Variants in DCP1A observed in about 807,000 individuals in gnomAD.
DCP1A encodes the protein mRNA-decapping enzyme 1A.
DCP1A carries 20 observed loss-of-function variants against 58.0 expected under a neutral mutation model. That is an observed-to-expected ratio of 0.34 (90% CI 0.24 to 0.50). DCP1A has a LOEUF of 0.50. Ranked by LOEUF, DCP1A falls within the 20% of genes least tolerant of loss-of-function variation. The pLI is 0.98. For missense variants in DCP1A, 613 were observed against 712.2 expected (o/e 0.86, Z 1.59); for synonymous variants, 285 against 275.1 (o/e 1.04, Z -0.36).
chr3:53,346,573 A>T (rs1389482199), intron 1 of DCP1A, among the ~76,000 whole-genome samples: 1 of 152,236 alleles, frequency 6.6e-6, no homozygotes, highest in Admixed American at 6.5e-5. Flanking sequence ...GTGGGAAATT[A>T]TGCTTTTTAA....
At chr3:53,316,506 T>G (rs1052040515) in intron 4 of DCP1A, among the ~76,000 whole-genome samples, 9 of 152,014 alleles carry the variant, frequency 5.9e-5, no homozygotes, top group Non-Finnish European at 1.0e-4. Flanking sequence ...CCAAGTGATC[T>G]GCCCACCTGG....
chr3:53,320,964 G>A (rs560594601), intron 3 of DCP1A, among the ~76,000 whole-genome samples: 4 of 152,372 alleles, frequency 2.6e-5, no homozygotes, highest in Admixed American at 6.5e-5. Flanking sequence ...GAAGGGAGAC[G>A]CAGAAGTCCC....
intron 6 of DCP1A, among the ~76,000 whole-genome samples, chr3:53,302,978 T>G (rs782182236): frequency 2.0e-4 from 31 of 152,132 alleles, no homozygotes; most frequent in Non-Finnish European, 3.4e-4. Flanking sequence ...AGACAGGGCC[T>G]TGCTCTGCTA....
chr3:53,286,410 C>A lies in DCP1A; in HGVS notation c.*1170G>T, dbSNP rs1029084724. The A allele has an allele frequency of 2.0e-5, 3 of 152,200 alleles. No individual in the cohort carries two copies. Among genetic ancestry groups the A allele is most frequent in the African/African-American group, 7.2e-5 (3 of 41,464 alleles). The allele number at this position is 152,200 out of a possible 1,614,324, so 9.4% of individuals were successfully genotyped here. A position where few individuals can be genotyped will look rare whatever the true frequency, so the allele number is the denominator to read the frequency against. ...TACTATTGCTGAAATAAATCAAAAT[C>A]TACATTAAAATATTACTAAACACCA... On this transcript the variant is annotated 3_prime_UTR_variant, in exon 10 of 10. Coordinates refer to ENST00000610213, the MANE Select transcript of DCP1A (RefSeq NM_018403.7).
intron 6 of DCP1A, among the ~76,000 whole-genome samples, chr3:53,303,569 G>C (rs1707376111): frequency 6.6e-6 from 1 of 152,148 alleles, no homozygotes; most frequent in African/African-American, 2.4e-5. Flanking sequence ...CCTAGCCAAG[G>C]GTTATTTTAA....
chr3:53,301,164 T>C (rs903320649), intron 6 of DCP1A, among the ~76,000 whole-genome samples: 5 of 152,194 alleles, frequency 3.3e-5, no homozygotes, highest in Non-Finnish European at 7.4e-5. Context: ...GAAGGTAGAA[T>C]ACAAAATTTG....
At chr3:53,336,095 T>C (rs185405793) in intron 3 of DCP1A, among the ~76,000 whole-genome samples, 163 of 151,326 alleles carry the variant, frequency 1.1e-3, no homozygotes, top group African/African-American at 3.7e-3. Context: ...CCACTGTGCC[T>C]GGCAGCATTT....
At chr3:53,291,717 C>T (rs1553686002) in intron 7 of DCP1A, among the ~76,000 whole-genome samples, 3 of 151,974 alleles carry the variant, frequency 2.0e-5, no homozygotes. Flanking sequence ...TCTTATGGCA[C>T]CTCTAGGGTA....
At chr3:53,323,993 A>G (rs1316418675) in intron 3 of DCP1A, among the ~76,000 whole-genome samples, 6 of 152,206 alleles carry the variant, frequency 3.9e-5, no homozygotes, top group African/African-American at 1.2e-4. Context: ...AACTCTTAGG[A>G]AAGAACTACT....
rs782185066 is a variant in DCP1A, at chr3:53,323,350, G to A, written c.305-3877C>T. ...TTATCTACTGCAGGTTCTTAGTTAC[G>A]CTCTTAGCGGCTAAGGCTTGCTCTA... is the stretch of plus-strand genomic sequence containing the variant. On this transcript the variant is annotated intron_variant, in intron 3 of 9. Coordinates refer to ENST00000610213, the MANE Select transcript of DCP1A (RefSeq NM_018403.7). Among the ~76,000 whole-genome samples, 10 of 152,158 alleles carry A rather than the reference G, an allele frequency of 6.6e-5. No homozygotes were observed. In the East Asian group the frequency reaches 7.7e-4, roughly 12 times the overall value.
rs554774968 is a variant in DCP1A at position 53,318,970 on chromosome 3, CG to C, written c.371+436del. 1.5e-4 allele frequency among the ~76,000 whole-genome samples: 23 copies of C among 152,234 alleles called. No individual in the cohort carries two copies. In the East Asian group the frequency reaches 4.4e-3, roughly 29 times the overall value. Reference sequence around the variant, plus strand: ...ACCTGATGCAGATATCCTCTGGAGCCGGGCAGTTTGGCAGCCTTAACCTACA... The same window carrying C: ...ACCTGATGCAGATATCCTCTGGAGCCGGCAGTTTGGCAGCCTTAACCTACA... On this transcript the variant is annotated intron_variant, in intron 4 of 9. Transcript: ENST00000610213.
At chr3:53,303,635 A>G (rs1156952179) in intron 6 of DCP1A, among the ~76,000 whole-genome samples, 1 of 152,224 alleles carries the variant, frequency 6.6e-6, no homozygotes, top group Non-Finnish European at 1.5e-5. Context: ...TTGAGGGAGT[A>G]AAGGGAGCAA....
In DCP1A at chr3:53,292,562, G is replaced by A; in HGVS notation, c.890C>T (p.Ala297Val). The change falls in exon 7 of 10, where the codon GCC becomes GTC. Residue 297 changes from alanine (A) to valine (V), a missense_variant. Coordinates refer to ENST00000610213, the MANE Select transcript of DCP1A (RefSeq NM_018403.7). ...CTTTTCATTGGACTGTGTGATGGAG[G>A]CTGGAGTGATTAGCACCGGGGTGGT... ...EITTPVLITP[A>V]SITQSNEKHA... 5.0e-6 allele frequency: 8 copies of A among 1,613,988 alleles called. No homozygotes were observed. The highest frequency in any genetic ancestry group is 5.9e-6 in the Non-Finnish European group (7 of 1,179,880).
intron 5 of DCP1A, among the ~76,000 whole-genome samples, chr3:53,306,849 T>G (rs2106825481): frequency 6.6e-6 from 1 of 151,488 alleles, no homozygotes; most frequent in East Asian, 1.9e-4. Flanking sequence ...GCCCAAGAGT[T>G]TAAGGCTGCA....
In DCP1A at chr3:53,342,247, A is replaced by G; in HGVS notation, c.201T>C (p.Phe67=). 6.2e-7 allele frequency: 1 copy of G among 1,602,858 alleles called. No homozygotes were observed. ...GCATATTTAGTCGATTCACAATGGT[A>G]AAACCATGGTAAGGGGAAGCTGACC... ...YRRSASPYHG[F]TIVNRLNMHN... is the part of the protein sequence containing the mutation. The change falls in exon 3 of 10, where the codon TTT becomes TTC. Residue 67 remains phenylalanine (F), a synonymous_variant. Coordinates refer to ENST00000610213, the MANE Select transcript of DCP1A (RefSeq NM_018403.7).
chr3:53,295,736 A>G lies in DCP1A; in HGVS notation c.625-2909T>C, dbSNP rs548549854. ...TTTGTAGTGAGCCATTGAGCCCAGC[A>G]TAATCCTTCTAATTTAGTTCCTTAT... is the stretch of plus-strand genomic sequence containing the variant. On this transcript the variant is annotated intron_variant, in intron 6 of 9. Transcript: ENST00000610213. Among the ~76,000 whole-genome samples the G allele has an allele frequency of 1.8e-4, 27 of 152,308 alleles. 1 individual carries two copies. The highest frequency in any genetic ancestry group is 5.1e-4 in the African/African-American group (21 of 41,576).
chr3:53,292,770 G>A lies in DCP1A; in HGVS notation c.682C>T (p.Pro228Ser). Residue 228 changes from proline (P) to serine (S), a missense_variant, in exon 7 of 10, where the codon CCA (proline) becomes TCA (serine). By Grantham distance (74) the Pro-to-Ser change is moderately conservative. Coordinates refer to ENST00000610213, the MANE Select transcript of DCP1A (RefSeq NM_018403.7). The stretch of plus-strand genomic sequence containing the variant: ...CCCACAACTGCTGGTTGTTCCTTTG[G>A]CAAAGAGGTTCCAAATAACTCTTCT... ...TVEELFGTSL[P>S]KEQPAVVGLD... The A allele has an allele frequency of 6.2e-7, 1 of 1,613,242 alleles. No homozygotes were observed. Among genetic ancestry groups the A allele is most frequent in the Non-Finnish European group, 8.5e-7 (1 of 1,179,886 alleles).
Position 53,344,771 on chromosome 3 carries a change from C to A in DCP1A, c.176+131G>T, listed in dbSNP as rs373006074. On this transcript the variant is annotated intron_variant, in intron 2 of 9. Coordinates refer to ENST00000610213, the MANE Select transcript of DCP1A (RefSeq NM_018403.7). ...AAAGAACCTGGTTAAGATTTCACAG[C>A]TAGGGAAAGATGAAAACTTGAAGGG... The A allele has an allele frequency of 4.1e-4, 243 of 589,310 alleles. 2 individuals carry two copies. The South Asian group carries it at 5.7e-3, about 14-fold the overall frequency. 36.5% of individuals were successfully genotyped at this position (589,310 alleles called of 1,614,324 possible). A position where few individuals can be genotyped will look rare whatever the true frequency, so the allele number is the denominator to read the frequency against.
intron 3 of DCP1A, among the ~76,000 whole-genome samples, chr3:53,334,683 A>G (rs187255480): frequency 1.5e-4 from 23 of 152,266 alleles, no homozygotes; most frequent in Admixed American, 1.2e-3. Context: ...CTGCATCTTA[A>G]TATTTTCAAT....
Sources: gnomAD v4.1 joint callset for allele counts (sites outside exome capture counted in the v4.1 genomes callset) on GRCh38, gnomAD v4.1.1 for gene constraint, MANE v1.5 for transcripts, NCBI Gene and HGNC (gene_info 2026-07-23, HGNC 2026-07-21) for gene names.